DNAH11: variants seen among roughly 807,000 people sequenced by gnomAD.
DNAH11 encodes the protein dynein axonemal heavy chain 11.
A neutral mutation model predicts 526.0 loss-of-function variants in DNAH11; 442 were observed. The ratio of observed to expected loss-of-function variants is 0.84; its 90% CI spans 0.78 to 0.91. DNAH11 has a LOEUF of 0.91. Ranked by LOEUF, DNAH11 falls within the 40% of genes least tolerant of loss-of-function variation. The pLI is 0.00. For synonymous variants in DNAH11, 2,461 were observed against 1,935.9 expected (o/e 1.27, Z -7.12); for missense variants, 6,989 against 5,448.7 (o/e 1.28, Z -8.90).
intron 36 of DNAH11, among the ~76,000 whole-genome samples, chr7:21,699,385 T>A (rs1180788285): frequency 6.6e-6 from 1 of 152,198 alleles, no homozygotes; most frequent in African/African-American, 2.4e-5. Flanking sequence ...ATCAATATTT[T>A]AAAATTCAGC....
At chr7:21,862,672 C>T (rs1783110404) in intron 69 of DNAH11, among the ~76,000 whole-genome samples, 2 of 152,158 alleles carry the variant, frequency 1.3e-5, no homozygotes, top group Non-Finnish European at 2.9e-5. Context: ...AAGAAAATGA[C>T]AGCAGTGACT....
intron 2 of DNAH11, among the ~76,000 whole-genome samples, chr7:21,551,962 G>A (rs1454815399): frequency 3.9e-5 from 6 of 152,170 alleles, no homozygotes; most frequent in Admixed American, 3.9e-4. Flanking sequence ...CCCAGTGTGG[G>A]TTGCTTACTG....
At chr7:21,900,843 T>C in intron 81 of DNAH11, 164 bp from the exon 82 acceptor site, 1 of 1,194,708 alleles carries the variant, frequency 8.4e-7, no homozygotes, top group Admixed American at 2.6e-5. Context: ...CAGGGTAACC[T>C]ACCTTTCAAA....
At chr7:21,900,955 ATCATTAG>A in intron 81 of DNAH11, 45 bp from the exon 82 acceptor site, 1 of 1,511,010 alleles carries the variant, frequency 6.6e-7, no homozygotes. Context: ...CTTGATCATT[ATCATTAG>A]TAGCAAGCTG....
chr7:21,861,189 G>C (rs987050252), intron 68 of DNAH11, among the ~76,000 whole-genome samples: 6 of 152,208 alleles, frequency 3.9e-5, no homozygotes, highest in South Asian at 2.1e-4. Flanking sequence ...TGGGTACAGA[G>C]CTTCAGTTTT....
chr7:21,716,561 G>C (rs1181524415), intron 42 of DNAH11, among the ~76,000 whole-genome samples: 1 of 152,144 alleles, frequency 6.6e-6, no homozygotes, highest in Non-Finnish European at 1.5e-5. Flanking sequence ...CTTTCCCTGA[G>C]CAATCCTCTT....
chr7:21,749,887 G>A (rs576123125), intron 53 of DNAH11, 86 bp downstream of exon 53: 53 of 1,574,916 alleles, frequency 3.4e-5, no homozygotes, highest in Middle Eastern at 1.7e-4. Flanking sequence ...GAGAGAATTC[G>A]TCTTTGAGAT....
intron 18 of DNAH11, among the ~76,000 whole-genome samples, chr7:21,604,775 T>C (rs1032317678): frequency 7.2e-5 from 11 of 152,200 alleles, no homozygotes; most frequent in African/African-American, 2.7e-4. Flanking sequence ...AGCTCATGGA[T>C]GTAACTTCCT....
rs1204722121 is a variant in DNAH11, at chr7:21,716,274, G to A, written c.6984-1501G>A. 2.6e-5 allele frequency among the ~76,000 whole-genome samples: 4 copies of A among 152,160 alleles called. No individual in the cohort carries two copies. In the East Asian group the frequency reaches 5.8e-4, roughly 22 times the overall value. On this transcript the variant is annotated intron_variant, in intron 42 of 81. Coordinates refer to ENST00000409508, the MANE Select transcript of DNAH11 (RefSeq NM_001277115.2). Reference sequence around the variant, plus strand: ...GCCTTTAGGAGAAACAGAGGGAGACGGAGCCGCGATCTAAACCTGAGTTTC... The same window carrying A: ...GCCTTTAGGAGAAACAGAGGGAGACAGAGCCGCGATCTAAACCTGAGTTTC...
Position 21,720,804 on chromosome 7 carries a change from A to G in DNAH11, c.7214A>G (p.Tyr2405Cys), listed in dbSNP as rs770247041. Residue 2405 changes from tyrosine to cysteine, a missense_variant, in exon 44 of 82, where the codon TAT becomes TGT. Coordinates refer to ENST00000409508, the MANE Select transcript of DNAH11 (RefSeq NM_001277115.2). The stretch of plus-strand genomic sequence containing the variant: ...AGCCCAAAAGAAGTTTATGAAGTCT[A>G]TTTTGTATTTGCTTGTATCTGGGCT... ...SDSPKEVYEV[Y>C]FVFACIWAFG... 6.8e-6 allele frequency: 11 copies of G among 1,612,036 alleles called. No homozygotes were observed. The highest frequency in any genetic ancestry group is 4.5e-5 in the East Asian group (2 of 44,854).
chr7:21,816,139 T>C lies in DNAH11; in HGVS notation c.10333-328T>C, dbSNP rs2189023. On this transcript the variant is annotated intron_variant, in intron 63 of 81. Transcript: ENST00000409508. The stretch of plus-strand genomic sequence containing the variant: ...GCATGGATTGCTCCATGGGCAAATA[T>C]ATTTCTGGTGTCCTGCCATTCTTCC... Among the ~76,000 whole-genome samples, 64,708 of 151,904 alleles carry C rather than the reference T, an allele frequency of 0.43. 14,813 individuals carry two copies. The highest frequency in any genetic ancestry group is 0.82 in the East Asian group (4,220 of 5,148).
At position 21,725,887 on chromosome 7, in the gene DNAH11, C is replaced by A. The variant is rs1193879875; in HGVS notation, c.7343C>A (p.Thr2448Lys). The change falls in exon 45 of 82, where the codon ACA becomes AAA. Residue 2448 changes from threonine (T) to lysine (K), a missense_variant. Thr to Lys is a moderately conservative substitution (Grantham distance 78, BLOSUM62 -1). Transcript: ENST00000409508. ...MKAVKFPSQG[T>K]IFDYYVDHKT... ...GCAGTGAAATTTCCGTCGCAGGGAA[C>A]AATCTTTGATTATTATGTGGACCAC... is the stretch of plus-strand genomic sequence containing the variant. 2 of 1,605,930 alleles carry A rather than the reference C, an allele frequency of 1.2e-6. No individual in the cohort carries two copies. The highest frequency in any genetic ancestry group is 1.7e-6 in the Non-Finnish European group (2 of 1,175,832).
intron 74 of DNAH11, among the ~76,000 whole-genome samples, chr7:21,878,482 T>G (rs1783798744): frequency 6.6e-6 from 1 of 152,192 alleles, no homozygotes; most frequent in Non-Finnish European, 1.5e-5. Context: ...AAAAGTAAAT[T>G]TTTTTTATAC....
chr7:21,729,294 G>A (rs1190767894), intron 45 of DNAH11, among the ~76,000 whole-genome samples: 1 of 152,092 alleles, frequency 6.6e-6, no homozygotes. Flanking sequence ...TATTTCTGCT[G>A]GTATAACCCC....
At chr7:21,639,197 A>T in intron 28 of DNAH11, 132 bp downstream of exon 28, 1 of 1,131,998 alleles carries the variant, frequency 8.8e-7, no homozygotes, top group Non-Finnish European at 1.2e-6. Flanking sequence ...TAAAATTTGT[A>T]ATGTAGCATC....
intron 65 of DNAH11, among the ~76,000 whole-genome samples, chr7:21,823,428 A>G (rs1275599177): frequency 6.6e-6 from 1 of 152,040 alleles, no homozygotes; most frequent in Non-Finnish European, 1.5e-5. Context: ...ATTTTACTTA[A>G]CTTTTCTTTT....
chr7:21,897,144 T>C (rs1784544105), intron 79 of DNAH11, among the ~76,000 whole-genome samples: 1 of 152,206 alleles, frequency 6.6e-6, no homozygotes, highest in African/African-American at 2.4e-5. Context: ...GAAGGGTGCC[T>C]AGCTTAGTTT....
intron 68 of DNAH11, among the ~76,000 whole-genome samples, chr7:21,854,753 G>A (rs890765876): frequency 1.3e-5 from 2 of 151,744 alleles, no homozygotes; most frequent in African/African-American, 4.8e-5. Flanking sequence ...ACATTGCCCA[G>A]GCTGGTCTCG....
At chr7:21,892,741 T>G in intron 77 of DNAH11, 74 bp downstream of exon 77, 1 of 1,450,642 alleles carries the variant, frequency 6.9e-7, no homozygotes, top group South Asian at 1.4e-5. Flanking sequence ...TAATCTTAAT[T>G]GTGCAAATCA....
Sources: gnomAD v4.1 joint callset for allele counts (sites outside exome capture counted in the v4.1 genomes callset) on GRCh38, gnomAD v4.1.1 for gene constraint, MANE v1.5 for transcripts, NCBI Gene and HGNC (gene_info 2026-07-23, HGNC 2026-07-21) for gene names.